MORN3: variants seen among roughly 807,000 people sequenced by gnomAD.
MORN3 encodes the protein MORN repeat containing 3, also known as MORN repeat-containing protein 3.
A neutral mutation model predicts 34.7 loss-of-function variants in MORN3; 38 were observed. That is an observed-to-expected ratio of 1.10 (90% confidence interval 0.85 to 1.44). The LOEUF (loss-of-function observed/expected upper bound fraction) is 1.44, where lower values mean the gene tolerates loss of function less well. Among genes scored for constraint, MORN3 ranks in the 40% most tolerant of loss-of-function variants. The pLI, the probability that MORN3 is intolerant of heterozygous loss-of-function variation, is 0.00. For missense variants in MORN3, 311 were observed against 321.7 expected (o/e 0.97, Z 0.25); for synonymous variants, 109 against 115.3 (o/e 0.95, Z 0.35).
chr12:121,667,276 C>T (rs1389951884), intron 1 of MORN3, among the ~76,000 whole-genome samples: 1 of 150,404 alleles, frequency 6.6e-6, no homozygotes, highest in East Asian at 2.0e-4. Flanking sequence ...TATCTTGAGG[C>T]AGAGTCTTGC....
At chr12:121,663,163 A>C (rs1283719728) in intron 1 of MORN3, among the ~76,000 whole-genome samples, 2 of 151,560 alleles carry the variant, frequency 1.3e-5, no homozygotes, top group Non-Finnish European at 2.9e-5. Flanking sequence ...GGATATGCTA[A>C]TTACTTTGAT....
chr12:121,653,166 C>A lies in MORN3; in HGVS notation c.557G>T (p.Gly186Val), dbSNP rs376515847. 32 of 1,614,078 alleles carry A rather than the reference C, an allele frequency of 2.0e-5. No individual in the cohort carries two copies. The highest frequency in any genetic ancestry group is 2.6e-5 in the Non-Finnish European group (31 of 1,180,046). Residue 186 changes from glycine (G) to valine (V), a missense_variant, in exon 4 of 6, where the codon GGC (glycine) becomes GTC (valine). Transcript: ENST00000355329. The stretch of plus-strand genomic sequence containing the variant: ...TTTGGCCATATTGTCCACCCAGAAG[C>A]CTTCAAACAGCTGGCCGTGGTCCAG... ...FHLDHGQLFE[G>V]FWVDNMAKCG...
chr12:121,660,856 C>T (rs1454677935), intron 1 of MORN3, among the ~76,000 whole-genome samples: 1 of 151,678 alleles, frequency 6.6e-6, no homozygotes, highest in Admixed American at 6.6e-5. Context: ...TCAGTAGAGA[C>T]GGGGGTCTCT....
At chr12:121,657,817 A>G (rs1268026733) in intron 2 of MORN3, among the ~76,000 whole-genome samples, 2 of 151,698 alleles carry the variant, frequency 1.3e-5, no homozygotes, top group Non-Finnish European at 2.9e-5. Context: ...CGGTGAGCCG[A>G]GATCACACCA....
chr12:121,667,083 C>G (rs1049170792), intron 1 of MORN3, among the ~76,000 whole-genome samples: 7 of 151,260 alleles, frequency 4.6e-5, no homozygotes, highest in African/African-American at 1.7e-4. Flanking sequence ...ATCTCAGCCT[C>G]CCAAGTAGCT....
At chr12:121,669,834 T>TATATATATA (rs1566488482), upstream of MORN3, among the ~76,000 whole-genome samples, 129 of 92,252 alleles carry the variant, frequency 1.4e-3, no homozygotes, top group South Asian at 7.9e-3. Context: ...ATATATATAT[T>TATATATATA]TTTTTTTTTA....
chr12:121,657,750 C>T (rs1555325825), intron 2 of MORN3, among the ~76,000 whole-genome samples: 1 of 151,976 alleles, frequency 6.6e-6, no homozygotes, highest in Non-Finnish European at 1.5e-5. Flanking sequence ...GCCTGTAATC[C>T]CAGCTACTCG....
intron 1 of MORN3, among the ~76,000 whole-genome samples, chr12:121,660,704 C>T (rs1385498142): frequency 1.5e-5 from 2 of 131,786 alleles, no homozygotes; most frequent in African/African-American, 5.8e-5. Context: ...GTTTTGCTAT[C>T]GTTGCCTGGG....
At position 121,652,709 on chromosome 12, in the gene MORN3, AG is replaced by A. The variant is rs1566477632; in HGVS notation, c.*6+18del. The stretch of plus-strand genomic sequence containing the variant: ...AGCCTCAGCCACATCAGAACTTGGC[AG>A]GTGTGCCCACCCCTCACCTGGCATC... On this transcript the variant is annotated intron_variant, in intron 5 of 5. Transcript: ENST00000355329. 3 of 1,612,340 alleles carry A rather than the reference AG, an allele frequency of 1.9e-6. No homozygotes were observed. The highest frequency in any genetic ancestry group is 1.3e-5 in the African/African-American group (1 of 75,032).
In MORN3 at chr12:121,650,193, C is replaced by T. The variant is rs1893219608; in HGVS notation, c.*1458G>A. ...AGAACACACAGCTCCGAGATTCACGCCCAGGCACTGTGACTCCAGAGCTCA... is the reference window on the plus strand; with the variant it reads ...AGAACACACAGCTCCGAGATTCACGTCCAGGCACTGTGACTCCAGAGCTCA... On this transcript the variant is annotated 3_prime_UTR_variant, in exon 6 of 6. Transcript: ENST00000355329. The T allele has an allele frequency of 6.6e-6, 1 of 152,102 alleles. No homozygotes were observed. The highest frequency in any genetic ancestry group is 6.6e-5 in the Admixed American group (1 of 15,242). 9.4% of individuals were successfully genotyped at this position (152,102 alleles called of 1,614,324 possible). A position where few individuals can be genotyped will look rare whatever the true frequency, so the allele number is the denominator to read the frequency against.
chr12:121,671,422 TAGA>T (rs1198944285), upstream of MORN3, among the ~76,000 whole-genome samples: 1 of 148,554 alleles, frequency 6.7e-6, no homozygotes, highest in Non-Finnish European at 1.5e-5. Context: ...AAAAAAAAAT[TAGA>T]AGAATGGAGA....
At chr12:121,665,723 C>CA (rs1474978004) in intron 1 of MORN3, among the ~76,000 whole-genome samples, 1 of 141,678 alleles carries the variant, frequency 7.1e-6, no homozygotes, top group Non-Finnish European at 1.5e-5. Flanking sequence ...CGAGATCACA[C>CA]CATTGCACTC....
intron 2 of MORN3, among the ~76,000 whole-genome samples, chr12:121,656,715 T>TTCAC (rs1893429262): frequency 6.6e-6 from 1 of 152,042 alleles, no homozygotes; most frequent in Non-Finnish European, 1.5e-5. Context: ...AGACGGGGGT[T>TTCAC]TCACCATGTT....
intron 1 of MORN3, among the ~76,000 whole-genome samples, chr12:121,667,045 C>T (rs768742262): frequency 8.0e-5 from 12 of 149,692 alleles, no homozygotes; most frequent in Non-Finnish European, 1.3e-4. Flanking sequence ...ACTGTAACCT[C>T]CTCCTCCCAG....
chr12:121,654,716 G>C (rs1555325535), intron 2 of MORN3, among the ~76,000 whole-genome samples: 1 of 151,890 alleles, frequency 6.6e-6, no homozygotes, highest in Non-Finnish European at 1.5e-5. Flanking sequence ...TCCTGCCTCA[G>C]CCTCCCGAGA....
At chr12:121,672,460 G>GA (rs200781675), upstream of MORN3, 4,572 of 149,810 alleles carry the variant, frequency 0.031, 83 homozygotes, top group Non-Finnish European at 0.045. Flanking sequence ...TGTCTCAAGG[G>GA]AAAAAAAAAC....
chr12:121,653,300 A>T, intron 3 of MORN3, 41 bp from the exon 4 acceptor site: 2 of 1,588,124 alleles, frequency 1.3e-6, no homozygotes, highest in Non-Finnish European at 1.7e-6. Context: ...GGGTACACCA[A>T]ACTAAGCTAG....
intron 1 of MORN3, among the ~76,000 whole-genome samples, chr12:121,667,965 C>T (rs1426601864): frequency 2.0e-5 from 3 of 150,870 alleles, no homozygotes; most frequent in Non-Finnish European, 4.4e-5. Flanking sequence ...CCTCATGATC[C>T]GCCCGCCTCG....
In MORN3 at chr12:121,652,752, C is replaced by T. The variant is rs1555325215; in HGVS notation, c.705G>A (p.Lys235=). 6 of 1,614,238 alleles carry T rather than the reference C, an allele frequency of 3.7e-6. No individual in the cohort carries two copies. The highest frequency in any genetic ancestry group is 1.7e-5 in the Admixed American group (1 of 60,024). ...VLAEALAMFR[K]TEEGD ...CCTGGCATCAATCTCCTTCCTCTGT[C>T]TTCCTGAACATGGCCAAGGCCTCCG... The change falls in exon 5 of 6, where the codon AAG becomes AAA. Residue 235 remains lysine (K), a synonymous_variant. Coordinates refer to ENST00000355329, the MANE Select transcript of MORN3 (RefSeq NM_173855.5).
Sources: allele counts gnomAD v4.1 joint callset (sites outside exome capture counted in the v4.1 genomes callset), GRCh38; gene constraint gnomAD v4.1.1; transcripts MANE v1.5; gene names NCBI Gene and HGNC (gene_info 2026-07-23, HGNC 2026-07-21).